The following ANKRD26 variants were observed in gnomAD, a reference collection of about 807,000 sequenced individuals.
ANKRD26 encodes the protein ankyrin repeat domain 26.
ANKRD26 carries 141 observed loss-of-function variants against 208.7 expected under a neutral mutation model. That is an observed-to-expected ratio of 0.68 (90% CI 0.59 to 0.78). The LOEUF (loss-of-function observed/expected upper bound fraction) is 0.78, where lower values mean the gene tolerates loss of function less well. Ranked by LOEUF, ANKRD26 falls within the 30% of genes least tolerant of loss-of-function variation. The pLI is 0.00. For missense variants in ANKRD26, 1,889 were observed against 1,938.7 expected, an observed-to-expected ratio of 0.97 and a Z score of 0.48; for synonymous variants, 636 against 660.4, an observed-to-expected ratio of 0.96 and a Z score of 0.57.
intron 30 of ANKRD26, among the ~76,000 whole-genome samples, chr10:27,015,600 T>C (rs536773957): frequency 6.6e-6 from 1 of 152,344 alleles, no homozygotes; most frequent in Admixed American, 6.5e-5. Flanking sequence ...CATGGATTGT[T>C]ACCACCTTGG....
chr10:26,966,550 G>A, the ANKRD26 span, among the ~76,000 whole-genome samples: 6 of 152,250 alleles, frequency 3.9e-5, no homozygotes, highest in East Asian at 1.9e-4. Context: ...CATGGCACAC[G>A]TATACCTATG....
chr10:27,045,662 T>C (rs2054415959), intron 18 of ANKRD26, among the ~76,000 whole-genome samples: 1 of 152,200 alleles, frequency 6.6e-6, no homozygotes, highest in Non-Finnish European at 1.5e-5. Context: ...TAGCTGTTCA[T>C]GATGCTACTG....
intron 5 of ANKRD26, among the ~76,000 whole-genome samples, chr10:26,992,501 C>CAT (rs777674093): frequency 6.7e-6 from 1 of 149,862 alleles, no homozygotes; most frequent in Non-Finnish European, 1.5e-5. Context: ...CACACACACA[C>CAT]ACACACAGAG....
intron 16 of ANKRD26, chr10:27,051,434 T>C (rs2054656718): frequency 1.8e-6 from 2 of 1,094,360 alleles, no homozygotes; most frequent in Admixed American, 4.9e-5. Context: ...TGATGTCTAA[T>C]TTCCAGTTAG....
chr10:26,949,334 G>A, the ANKRD26 span, among the ~76,000 whole-genome samples: 19 of 151,752 alleles, frequency 1.3e-4, no homozygotes, highest in African/African-American at 4.6e-4. Flanking sequence ...ACAAATATTT[G>A]TGTTTGCATC....
chr10:27,092,256 T>A, intron 4 of ANKRD26, 150 bp downstream of exon 4: 1 of 625,800 alleles, frequency 1.6e-6, no homozygotes, highest in Non-Finnish European at 2.8e-6. Context: ...ATTAAATTAA[T>A]ATTTCTGACT....
At position 27,043,557 on chromosome 10, in the gene ANKRD26, T is replaced by C. The variant is rs1233309607; in HGVS notation, c.2030A>G (p.Gln677Arg). Residue 677 changes from glutamine (Q) to arginine (R), a missense_variant, in exon 20 of 34, where the codon CAA becomes CGA. Gln to Arg is a conservative substitution (Grantham distance 43). Coordinates refer to ENST00000376087, the MANE Select transcript of ANKRD26 (RefSeq NM_014915.3). ...ATCAACATCATCCATAGACTGTATT[T>C]GGTTTTTGACCTATGAAATAAATAA... ...TSNEKNKVKN[Q>R]IQSMDDVDDL... 4 of 1,613,754 alleles carry C rather than the reference T, an allele frequency of 2.5e-6. No homozygotes were observed. Among genetic ancestry groups the C allele is most frequent in the South Asian group, 2.2e-5 (2 of 91,054 alleles).
At chr10:27,073,860 TACCA>T (rs1470566392) in intron 9 of ANKRD26, among the ~76,000 whole-genome samples, 3 of 152,174 alleles carry the variant, frequency 2.0e-5, no homozygotes, top group Non-Finnish European at 4.4e-5. Context: ...TCGTTATTAC[TACCA>T]ACATCTGAGA....
At chr10:27,018,141 A>ATTTTTTTTTTTT (rs11346457) in intron 29 of ANKRD26, among the ~76,000 whole-genome samples, 1 of 131,162 alleles carries the variant, frequency 7.6e-6, no homozygotes. Flanking sequence ...ATGCCCTATA[A>ATTTTTTTTTTTT]TTTTTTTTTT....
At chr10:27,047,809 T>G (rs1051018480) in intron 17 of ANKRD26, among the ~76,000 whole-genome samples, 2 of 151,096 alleles carry the variant, frequency 1.3e-5, no homozygotes, top group East Asian at 3.9e-4. Flanking sequence ...AGTGGCACAA[T>G]CTCGGCTCAC....
At chr10:26,953,059 C>T in the ANKRD26 span, among the ~76,000 whole-genome samples, 1 of 152,142 alleles carries the variant, frequency 6.6e-6, no homozygotes, top group African/African-American at 2.4e-5. Flanking sequence ...CCGTTTAAAA[C>T]ATAATATTGA....
At chr10:27,043,282 G>T (rs1386647597) in intron 20 of ANKRD26, 144 bp downstream of exon 20, 3 of 858,988 alleles carry the variant, frequency 3.5e-6, no homozygotes, top group Non-Finnish European at 5.5e-6. Flanking sequence ...ATCATATAAA[G>T]AACTCTTCAG....
intron 24 of ANKRD26, among the ~76,000 whole-genome samples, chr10:27,034,463 A>G (rs2053977889): frequency 1.3e-5 from 2 of 152,224 alleles, no homozygotes; most frequent in African/African-American, 2.4e-5. Flanking sequence ...TCATGGTGGC[A>G]GACAAATGGA....
chr10:27,087,976 G>A (rs1299311870), intron 4 of ANKRD26, among the ~76,000 whole-genome samples: 5 of 151,888 alleles, frequency 3.3e-5, no homozygotes, highest in Non-Finnish European at 5.9e-5. Context: ...TGTACCAATG[G>A]GGTCTTGCTA....
intron 1 of ANKRD26, among the ~76,000 whole-genome samples, chr10:27,097,452 A>T (rs1044150034): frequency 3.9e-5 from 6 of 151,990 alleles, no homozygotes; most frequent in Admixed American, 6.6e-5. Context: ...ACAGAGGGAG[A>T]CTCTGTCTAA....
Position 27,048,923 on chromosome 10 carries a change from T to C in ANKRD26, c.1692A>G (p.Ile564Met), listed in dbSNP as rs1435576880. Reference protein sequence around the residue: ...RNNEMEVSANIHDGATDDAED... With the variant: ...RNNEMEVSANMHDGATDDAED... ...CAGCATCATCAGTAGCACCATCATG[T>C]ATGTTTGCTGATACTTCCATTTCAT... Residue 564 changes from isoleucine to methionine, a missense_variant, in exon 17 of 34, where the codon ATA (isoleucine) becomes ATG (methionine). Physicochemically the swap from Ile to Met is conservative, Grantham distance 10 (BLOSUM62 1). Transcript: ENST00000376087. The C allele has an allele frequency of 1.2e-6, 2 of 1,611,704 alleles. No homozygotes were observed.
At chr10:27,043,155 C>CA (rs1482117575) in intron 20 of ANKRD26, among the ~76,000 whole-genome samples, 3 of 110,228 alleles carry the variant, frequency 2.7e-5, no homozygotes, top group Admixed American at 8.9e-5. Flanking sequence ...GAAAAGTCAA[C>CA]AAAAAAATAA....
chr10:26,950,592 C>G, the ANKRD26 span, among the ~76,000 whole-genome samples: 1 of 152,226 alleles, frequency 6.6e-6, no homozygotes, highest in South Asian at 2.1e-4. Flanking sequence ...TGTGGCACCT[C>G]CTCTGCTTGC....
intron 9 of ANKRD26, among the ~76,000 whole-genome samples, chr10:27,070,314 T>A (rs2135521788): frequency 6.6e-6 from 1 of 151,374 alleles, no homozygotes; most frequent in African/African-American, 2.4e-5. Flanking sequence ...GCACAAGAAC[T>A]GCTTGAACCC....
Sources: gnomAD v4.1 joint callset for allele counts (sites outside exome capture counted in the v4.1 genomes callset) on GRCh38, gnomAD v4.1.1 for gene constraint, MANE v1.5 for transcripts, NCBI Gene and HGNC (gene_info 2026-07-23, HGNC 2026-07-21) for gene names.